The following SYT10 variants were observed in gnomAD, a reference collection of about 807,000 sequenced individuals.
SYT10 encodes synaptotagmin 10.
Under a neutral mutation model 51.1 loss-of-function variants are expected in SYT10, and 31 were observed. That is an observed-to-expected ratio of 0.61 (90% CI 0.46 to 0.82). The LOEUF is 0.82. SYT10 is among the 40% of genes least tolerant of loss of function. The probability of loss-of-function intolerance (pLI) is 0.00; values close to 1 mark genes in which losing one functional copy is unlikely to be tolerated. For synonymous variants in SYT10, 233 were observed against 225.9 expected (o/e 1.03, Z -0.28); for missense variants, 603 against 634.0 (o/e 0.95, Z 0.53).
Position 33,374,915 on chromosome 12 carries a change from T to G in SYT10, c.*1915A>C, listed in dbSNP as rs1866050121. On this transcript the variant is annotated 3_prime_UTR_variant, in exon 7 of 7. Coordinates refer to ENST00000228567, the MANE Select transcript of SYT10 (RefSeq NM_198992.4). ...AGGAAACGTAATTGCTAATTTACTT[T>G]AAGCTGCAGTTATATCTACTAATAA... is the stretch of plus-strand genomic sequence containing the variant. 1 of 152,014 alleles carries G rather than the reference T, an allele frequency of 6.6e-6. No individual in the cohort carries two copies. The highest frequency in any genetic ancestry group is 1.5e-5 in the Non-Finnish European group (1 of 67,888). 9.4% of individuals were successfully genotyped at this position (152,014 alleles called of 1,614,324 possible).
At chr12:33,380,893 T>G (rs1471947215) in intron 5 of SYT10, among the ~76,000 whole-genome samples, 1 of 152,222 alleles carries the variant, frequency 6.6e-6, no homozygotes, top group East Asian at 1.9e-4. Flanking sequence ...GAGATGATTT[T>G]AGAACAATTT....
rs71068378 is a variant in SYT10, at chr12:33,392,985, TAAAAAAAAAA to T, written c.1078-7704_1078-7695del. ...CAAAAATAATTGTGGTTTTTGCCAT[TAAAAAAAAAA>T]AAAAAAAAAAAAAAAAAAATTGCAA... On this transcript the variant is annotated intron_variant, in intron 3 of 6. Transcript: ENST00000228567. Among the ~76,000 whole-genome samples, 536 of 59,128 alleles carry T rather than the reference TAAAAAAAAAA, an allele frequency of 9.1e-3. 10 individuals carry two copies. The highest frequency in any genetic ancestry group is 0.042 in the African/African-American group (469 of 11,104). The allele number at this position is 59,128 out of a possible 152,430, so 38.8% of individuals were successfully genotyped here.
rs11052695 is a variant in SYT10, at chr12:33,426,362, C to A, written c.285G>T (p.Thr95=). 4 of 1,613,742 alleles carry A rather than the reference C, an allele frequency of 2.5e-6. No individual in the cohort carries two copies. Among genetic ancestry groups the A allele is most frequent in the Non-Finnish European group, 3.4e-6 (4 of 1,179,978 alleles). Residue 95 remains threonine (T), a synonymous_variant, in exon 2 of 7, where the codon ACG becomes ACT. Transcript: ENST00000228567. ...GAGCACTTGAAATGCTCTGTGGAAG[C>A]GTAGTGATGTTGGAAGTCACAGGTT... The part of the protein sequence containing the change: ...KSKPVTSNIT[T]LPQSISSAPT...
At chr12:33,427,906 A>AAAG (rs1328401306) in intron 1 of SYT10, among the ~76,000 whole-genome samples, 1 of 152,248 alleles carries the variant, frequency 6.6e-6, no homozygotes, top group Non-Finnish European at 1.5e-5. Context: ...GATTTAATTC[A>AAAG]AAGAAAAATG....
At chr12:33,403,148 T>C (rs1010585891) in intron 3 of SYT10, among the ~76,000 whole-genome samples, 5 of 152,050 alleles carry the variant, frequency 3.3e-5, no homozygotes, top group African/African-American at 9.7e-5. Context: ...ATAAAAACTT[T>C]AGTTATAAGA....
Position 33,439,764 on chromosome 12 carries a change from T to G in SYT10, c.-242A>C. 2 of 497,416 alleles carry G rather than the reference T, an allele frequency of 4.0e-6. No homozygotes were observed. Among genetic ancestry groups the G allele is most frequent in the South Asian group, 2.8e-5 (1 of 35,798 alleles). 30.8% of individuals were successfully genotyped at this position (497,416 alleles called of 1,614,324 possible). On this transcript the variant is annotated 5_prime_UTR_variant, in exon 1 of 7. Transcript: ENST00000228567. ...CGGCTGCCGCGAGGTTTGCGCCAAC[T>G]CTCCCGCCGCGCGAGCGAGCCGAGG...
rs189824261 is a variant in SYT10, at chr12:33,407,930, T to G, written c.510-574A>C. On this transcript the variant is annotated intron_variant, in intron 2 of 6. Coordinates refer to ENST00000228567, the MANE Select transcript of SYT10 (RefSeq NM_198992.4). ...TGGCTGGCCAATGTTAATTTTCATATGCTTTTGAAATTTTGTACTCTCAAT... is the reference window on the plus strand; with the variant it reads ...TGGCTGGCCAATGTTAATTTTCATAGGCTTTTGAAATTTTGTACTCTCAAT... 427 of 152,420 alleles carry G rather than the reference T, an allele frequency of 2.8e-3. 2 individuals carry two copies. The highest frequency in any genetic ancestry group is 5.1e-3 in the Non-Finnish European group (346 of 68,086). 9.4% of individuals were successfully genotyped at this position (152,420 alleles called of 1,614,324 possible).
intron 3 of SYT10, chr12:33,405,378 G>A (rs905036446): frequency 3.3e-5 from 5 of 152,014 alleles, no homozygotes; most frequent in African/African-American, 1.2e-4. Context: ...AATCAAAAGA[G>A]CCCCACTGTG....
chr12:33,384,366 G>A (rs569339667), intron 4 of SYT10, among the ~76,000 whole-genome samples: 2 of 151,936 alleles, frequency 1.3e-5, no homozygotes, highest in East Asian at 3.9e-4. Flanking sequence ...GCAAATTTAG[G>A]TTTTGTTGTT....
At chr12:33,420,315 T>C (rs940533497) in intron 2 of SYT10, among the ~76,000 whole-genome samples, 3 of 152,170 alleles carry the variant, frequency 2.0e-5, no homozygotes, top group African/African-American at 4.8e-5. Flanking sequence ...AAATGTCTGC[T>C]GGAGTTTGTA....
chr12:33,387,558 G>A (rs936243726), intron 3 of SYT10, among the ~76,000 whole-genome samples: 1 of 152,124 alleles, frequency 6.6e-6, no homozygotes, highest in African/African-American at 2.4e-5. Flanking sequence ...GAAGTGATTA[G>A]TATTGCAAGA....
At chr12:33,379,754 G>T in intron 6 of SYT10, 78 bp downstream of exon 6, 1 of 1,553,502 alleles carries the variant, frequency 6.4e-7, no homozygotes, top group Non-Finnish European at 8.8e-7. Flanking sequence ...TAAAATATCA[G>T]ATAAAGGTTA....
intron 3 of SYT10, among the ~76,000 whole-genome samples, chr12:33,393,193 G>T (rs1866225326): frequency 6.6e-6 from 1 of 151,912 alleles, no homozygotes; most frequent in Non-Finnish European, 1.5e-5. Context: ...GCTGTGTAAT[G>T]AAGACAGTGA....
At chr12:33,425,220 C>T (rs1300437842) in intron 2 of SYT10, among the ~76,000 whole-genome samples, 1 of 152,046 alleles carries the variant, frequency 6.6e-6, no homozygotes, top group South Asian at 2.1e-4. Flanking sequence ...ATTAGGAAGT[C>T]AATCAGTTTG....
Position 33,382,351 on chromosome 12 carries a change from A to G in SYT10, c.1368T>C (p.Asp456=), listed in dbSNP as rs764585701. The G allele has an allele frequency of 3.1e-6, 5 of 1,598,202 alleles. 1 individual carries two copies. Among genetic ancestry groups the G allele is most frequent in the Middle Eastern group, 3.4e-4 (2 of 5,966 alleles). The change falls in exon 5 of 7, where the codon GAT becomes GAC. Residue 456 remains aspartate (D), a splice_region_variant and synonymous_variant. Coordinates refer to ENST00000228567, the MANE Select transcript of SYT10 (RefSeq NM_198992.4). ...AGTGAGAAGAGAGATACACATACCTATCGTAATCCATGACCGCAATGGAGA... is the reference window on the plus strand; with the variant it reads ...AGTGAGAAGAGAGATACACATACCTGTCGTAATCCATGACCGCAATGGAGA... ...VSLSIAVMDY[D]RVGHNEVIGV...
At chr12:33,431,950 T>C (rs1866600140) in intron 1 of SYT10, among the ~76,000 whole-genome samples, 1 of 152,128 alleles carries the variant, frequency 6.6e-6, no homozygotes, top group Admixed American at 6.6e-5. Flanking sequence ...AAATGCATCA[T>C]TAACACTTTT....
intron 3 of SYT10, among the ~76,000 whole-genome samples, chr12:33,392,980 G>T (rs1591984887): frequency 3.3e-5 from 1 of 30,464 alleles, no homozygotes; most frequent in Non-Finnish European, 5.0e-5. Context: ...TGTGGTTTTT[G>T]CCATTAAAAA....
intron 1 of SYT10, among the ~76,000 whole-genome samples, chr12:33,428,297 G>T (rs1220081504): frequency 6.6e-6 from 1 of 152,122 alleles, no homozygotes; most frequent in Non-Finnish European, 1.5e-5. Flanking sequence ...TTAAATAGTG[G>T]GATCTGAATC....
intron 1 of SYT10, among the ~76,000 whole-genome samples, chr12:33,433,105 C>G (rs762191611): frequency 1.3e-5 from 2 of 152,042 alleles, no homozygotes; most frequent in Non-Finnish European, 2.9e-5. Flanking sequence ...ATAAAAGAAG[C>G]CATCTCTTTA....
Sources: gnomAD v4.1 joint callset for allele counts (sites outside exome capture counted in the v4.1 genomes callset) on GRCh38, gnomAD v4.1.1 for gene constraint, MANE v1.5 for transcripts, NCBI Gene and HGNC (gene_info 2026-07-23, HGNC 2026-07-21) for gene names.